Variants in APIP observed in about 807,000 individuals in gnomAD.
APIP encodes APAF1 interacting protein.
APIP carries 32 observed loss-of-function variants against 32.0 expected under a neutral mutation model. The observed-to-expected ratio is 1.00, with a 90% CI of 0.76 to 1.34. APIP has a LOEUF of 1.34. Among genes scored for constraint, APIP ranks in the 40% most tolerant of loss-of-function variants. The probability of loss-of-function intolerance (pLI) is 0.00; values close to 1 mark genes in which losing one functional copy is unlikely to be tolerated. For missense variants in APIP, 247 were observed against 298.6 expected, an observed-to-expected ratio of 0.83 and a Z score of 1.27; for synonymous variants, 92 against 94.8, an observed-to-expected ratio of 0.97 and a Z score of 0.17.
chr11:34,888,985 A>G (rs1853138431), intron 3 of APIP, 116 bp from the exon 4 acceptor site: 4 of 493,654 alleles, frequency 8.1e-6, no homozygotes, highest in Non-Finnish European at 1.3e-5. Flanking sequence ...TATAGTATAC[A>G]TACTTGTGTG....
At chr11:34,901,576 G>A (rs889365979) in intron 1 of APIP, among the ~76,000 whole-genome samples, 17 of 152,252 alleles carry the variant, frequency 1.1e-4, no homozygotes, top group African/African-American at 3.4e-4. Context: ...TATAAGGGGT[G>A]TCTCAGGAAA....
At chr11:34,886,116 C>T (rs956236411) in intron 5 of APIP, among the ~76,000 whole-genome samples, 2 of 152,072 alleles carry the variant, frequency 1.3e-5, no homozygotes, top group Non-Finnish European at 2.9e-5. Context: ...AAAGCAGCCT[C>T]GGGCAGGTCC....
chr11:34,883,622 T>A, intron 5 of APIP, 118 bp from the exon 6 acceptor site: 1 of 961,950 alleles, frequency 1.0e-6, no homozygotes, highest in Non-Finnish European at 1.5e-6. Context: ...GAAAAGCCAC[T>A]CCAAATTATG....
Position 34,895,122 on chromosome 11 carries a change from G to A in APIP, c.58-12C>T. The A allele has an allele frequency of 1.9e-6, 3 of 1,602,858 alleles. No homozygotes were observed. Reference sequence around the variant, plus strand: ...GGATGCTCCTTGTCCTTAAAAAGAAGGTAATGATTTTTAAAACAGACATCA... The same window carrying A: ...GGATGCTCCTTGTCCTTAAAAAGAAAGTAATGATTTTTAAAACAGACATCA... On this transcript the variant is annotated splice_polypyrimidine_tract_variant and intron_variant, in intron 1 of 6. Coordinates refer to ENST00000395787, the MANE Select transcript of APIP (RefSeq NM_015957.4).
intron 1 of APIP, among the ~76,000 whole-genome samples, chr11:34,910,667 C>A (rs1008726008): frequency 2.6e-5 from 4 of 152,022 alleles, no homozygotes; most frequent in African/African-American, 9.7e-5. Context: ...GAATTGCTAA[C>A]ATTTCTTTAT....
intron 1 of APIP, among the ~76,000 whole-genome samples, chr11:34,903,298 T>C (rs1015988788): frequency 2.6e-5 from 4 of 152,220 alleles, no homozygotes; most frequent in Admixed American, 2.0e-4. Flanking sequence ...AGCTCTTTTG[T>C]AGAACAAGGA....
chr11:34,900,827 C>T (rs556567545), intron 1 of APIP, among the ~76,000 whole-genome samples: 1 of 151,972 alleles, frequency 6.6e-6, no homozygotes, highest in Non-Finnish European at 1.5e-5. Flanking sequence ...TATTAGAGGG[C>T]CCATGGAAAA....
intron 4 of APIP, 53 bp downstream of exon 4, chr11:34,888,699 T>C: frequency 7.5e-7 from 1 of 1,341,318 alleles, no homozygotes. Flanking sequence ...TACCATTATT[T>C]AGAGGAGCCT....
At chr11:34,888,503 GTTATAC>G (rs943262395) in intron 4 of APIP, 75 bp from the exon 5 acceptor site, 44 of 1,554,560 alleles carry the variant, frequency 2.8e-5, no homozygotes, top group Admixed American at 1.3e-4. Flanking sequence ...AGTCCATATA[GTTATAC>G]TTATATTTAC....
At chr11:34,895,170 C>G in intron 1 of APIP, 60 bp from the exon 2 acceptor site, 2 of 1,412,344 alleles carry the variant, frequency 1.4e-6, no homozygotes. Context: ...ACTATTCCAG[C>G]TGGTGTTTCT....
intron 5 of APIP, among the ~76,000 whole-genome samples, chr11:34,885,640 G>A (rs1334974541): frequency 2.0e-5 from 3 of 152,146 alleles, no homozygotes; most frequent in Non-Finnish European, 4.4e-5. Context: ...TGCATCCTTT[G>A]AACAATAGGC....
intron 1 of APIP, among the ~76,000 whole-genome samples, chr11:34,896,581 G>C (rs963447478): frequency 1.3e-5 from 2 of 152,048 alleles, no homozygotes; most frequent in African/African-American, 4.8e-5. Flanking sequence ...AGCAGATGGG[G>C]GGCTAGAGAA....
intron 5 of APIP, among the ~76,000 whole-genome samples, chr11:34,888,075 T>C (rs1369742999): frequency 6.6e-6 from 1 of 152,104 alleles, no homozygotes; most frequent in Non-Finnish European, 1.5e-5. Flanking sequence ...TTATTCATAT[T>C]ACTAATAATT....
chr11:34,895,828 T>C (rs550892608), intron 1 of APIP, among the ~76,000 whole-genome samples: 21 of 151,734 alleles, frequency 1.4e-4, no homozygotes, highest in African/African-American at 4.8e-4. Context: ...CACACCATTT[T>C]CTCCTGCTTT....
At chr11:34,887,187 A>G (rs932162655) in intron 5 of APIP, among the ~76,000 whole-genome samples, 7 of 103,238 alleles carry the variant, frequency 6.8e-5, no homozygotes, top group Non-Finnish European at 2.4e-5. Flanking sequence ...TGGCCTCTCC[A>G]CAAAATTGCA....
At chr11:34,900,904 C>T (rs1450871103) in intron 1 of APIP, among the ~76,000 whole-genome samples, 1 of 152,096 alleles carries the variant, frequency 6.6e-6, no homozygotes, top group Non-Finnish European at 1.5e-5. Context: ...GAGAATCCCA[C>T]AGCCTTTATG....
chr11:34,889,089 C>T (rs2133906321), intron 3 of APIP, among the ~76,000 whole-genome samples: 1 of 151,784 alleles, frequency 6.6e-6, no homozygotes, highest in South Asian at 2.1e-4. Flanking sequence ...AATAATTTAG[C>T]AATTTTGAGA....
intron 1 of APIP, among the ~76,000 whole-genome samples, chr11:34,904,753 C>T (rs1046737284): frequency 2.0e-5 from 3 of 152,262 alleles, no homozygotes; most frequent in East Asian, 3.9e-4. Context: ...CTTTCAAGCC[C>T]CTAGGCAATA....
chr11:34,912,676 T>C (rs1285902288), intron 1 of APIP, among the ~76,000 whole-genome samples: 1 of 152,192 alleles, frequency 6.6e-6, no homozygotes, highest in African/African-American at 2.4e-5. Context: ...TGGCCTAGCC[T>C]ACATCTTTCT....
Sources: gnomAD v4.1 joint callset for allele counts (sites outside exome capture counted in the v4.1 genomes callset) on GRCh38, gnomAD v4.1.1 for gene constraint, MANE v1.5 for transcripts, NCBI Gene and HGNC (gene_info 2026-07-23, HGNC 2026-07-21) for gene names.